BCAS1: variants seen among roughly 807,000 people sequenced by gnomAD.
The protein encoded by BCAS1 is brain enriched myelin associated protein 1.
Under a neutral mutation model 65.4 loss-of-function variants are expected in BCAS1, and 46 were observed. The ratio of observed to expected loss-of-function variants is 0.70; its 90% confidence interval spans 0.55 to 0.90. BCAS1 has a LOEUF of 0.90. Ranked by LOEUF, BCAS1 falls within the 40% of genes least tolerant of loss-of-function variation. BCAS1 has a pLI of 0.00. For missense variants in BCAS1, 793 were observed against 771.2 expected, an observed-to-expected ratio of 1.03 and a Z score of -0.33; for synonymous variants, 298 against 293.5, an observed-to-expected ratio of 1.02 and a Z score of -0.16.
intron 11 of BCAS1, among the ~76,000 whole-genome samples, 164 bp from the exon 12 acceptor site, chr20:53,953,859 T>G (rs942395180): frequency 6.6e-6 from 1 of 152,204 alleles, no homozygotes; most frequent in Admixed American, 6.5e-5. Flanking sequence ...TGTGCACTTA[T>G]GAAGTCATGG....
At chr20:54,017,498 C>T (rs767347239) in intron 4 of BCAS1, among the ~76,000 whole-genome samples, 4 of 151,338 alleles carry the variant, frequency 2.6e-5, no homozygotes, top group Admixed American at 6.6e-5. Context: ...CAGGTTCAAG[C>T]GATTCTCATG....
At chr20:54,055,015 T>C (rs290425) in intron 3 of BCAS1, among the ~76,000 whole-genome samples, 2,885 of 152,038 alleles carry the variant, frequency 0.019, 68 homozygotes, top group East Asian at 0.1. Context: ...AACATAAATA[T>C]ATTACAGGTG....
At chr20:53,957,547 G>A in intron 10 of BCAS1, 50 bp from the exon 11 acceptor site, 3 of 1,540,916 alleles carry the variant, frequency 1.9e-6, no homozygotes, top group Non-Finnish European at 2.7e-6. Flanking sequence ...CAGTGACGTG[G>A]AGAATGCAAG....
intron 10 of BCAS1, among the ~76,000 whole-genome samples, chr20:53,963,859 G>A (rs768076061): frequency 1.3e-4 from 20 of 152,208 alleles, no homozygotes; most frequent in Admixed American, 1.1e-3. Context: ...ACCCAATGGG[G>A]ACATTAACAC....
intron 1 of BCAS1, among the ~76,000 whole-genome samples, chr20:54,059,181 G>C (rs975184420): frequency 7.9e-5 from 12 of 152,168 alleles, no homozygotes; most frequent in Non-Finnish European, 1.5e-4. Flanking sequence ...TTCAAGGTAA[G>C]ATTTTACGTA....
chr20:54,029,138 C>A (rs1402115568), intron 3 of BCAS1, 166 bp from the exon 4 acceptor site: 1 of 985,242 alleles, frequency 1.0e-6, no homozygotes, highest in East Asian at 1.1e-4. Flanking sequence ...TCTCCTTGGA[C>A]CCTGCTTTTC....
In BCAS1 at chr20:54,057,305, C is replaced by T. The variant is rs540267171; in HGVS notation, c.142+780G>A. Among the ~76,000 whole-genome samples, 20 of 152,282 alleles carry T rather than the reference C, an allele frequency of 1.3e-4. No homozygotes were observed. In the East Asian group the frequency reaches 2.7e-3, roughly 21 times the overall value. ...TGGGGAAAAGGAATATATGAAATAT[C>T]GCTGGAGACTATGTTAAATGTTTAA... On this transcript the variant is annotated intron_variant, in intron 3 of 12. Coordinates refer to ENST00000688948, the MANE Select transcript of BCAS1 (RefSeq NM_001366298.2).
rs545972557 is a variant in BCAS1, at chr20:54,008,912, C to T, written c.724-12862G>A. Among the ~76,000 whole-genome samples, 4 of 152,012 alleles carry T rather than the reference C, an allele frequency of 2.6e-5. No homozygotes were observed. In the South Asian group the frequency reaches 8.3e-4, roughly 32 times the overall value. On this transcript the variant is annotated intron_variant, in intron 4 of 12. Coordinates refer to ENST00000688948, the MANE Select transcript of BCAS1 (RefSeq NM_001366298.2). ...CACTGCAGCCTCTGCCTACCGGGTT[C>T]AAGCAATTCTCCTGCCTCAGCCTCC...
chr20:54,039,759 C>A (rs967088762), intron 3 of BCAS1, among the ~76,000 whole-genome samples: 1 of 151,068 alleles, frequency 6.6e-6, no homozygotes, highest in Admixed American at 6.6e-5. Context: ...TCTCTCTGAA[C>A]CCTTTGTTTT....
intron 12 of BCAS1, among the ~76,000 whole-genome samples, chr20:53,947,124 C>A (rs1024542254): frequency 6.6e-6 from 1 of 152,130 alleles, no homozygotes; most frequent in African/African-American, 2.4e-5. Context: ...GAACGCCAGA[C>A]CTGCCACTTC....
chr20:53,970,131 T>C (rs1178421384), intron 9 of BCAS1, among the ~76,000 whole-genome samples: 1 of 152,192 alleles, frequency 6.6e-6, no homozygotes, highest in African/African-American at 2.4e-5. Flanking sequence ...TACTCATAAA[T>C]AAAATGATCA....
intron 4 of BCAS1, among the ~76,000 whole-genome samples, chr20:54,002,494 T>C (rs866549743): frequency 2.1e-4 from 32 of 152,250 alleles, no homozygotes; most frequent in African/African-American, 6.8e-4. Flanking sequence ...GTTGACTTCC[T>C]GTAGCTGGCT....
intron 3 of BCAS1, among the ~76,000 whole-genome samples, chr20:54,045,739 C>T (rs2146241568): frequency 6.6e-6 from 1 of 152,356 alleles, no homozygotes; most frequent in African/African-American, 2.4e-5. Context: ...TGTAACACAT[C>T]AAACACATTT....
chr20:53,947,915 G>A (rs1336396342), intron 12 of BCAS1, among the ~76,000 whole-genome samples: 1 of 152,160 alleles, frequency 6.6e-6, no homozygotes, highest in Non-Finnish European at 1.5e-5. Flanking sequence ...ATTGCTCTAA[G>A]GGCATTGTAC....
intron 7 of BCAS1, among the ~76,000 whole-genome samples, chr20:53,986,993 A>T (rs1319486168): frequency 1.3e-5 from 2 of 152,210 alleles, no homozygotes; most frequent in African/African-American, 4.8e-5. Flanking sequence ...ATTTTCATGG[A>T]TGGGGAAACT....
In BCAS1 at chr20:53,953,576, C is replaced by A. The variant is rs748929675; in HGVS notation, c.1671G>T (p.Gln557His). Residue 557 changes from glutamine to histidine, a missense_variant, in exon 12 of 13, where the codon CAG (glutamine) becomes CAT (histidine). Transcript: ENST00000688948. ...CTTTGGCTTCCTGCTTGTTGCTCTT[C>A]TGCTTGTTCATCTCGGCTGCTGACT... Reference protein sequence around the residue: ...DKKSAAEMNKQKSNKQEAKEP... With the variant: ...DKKSAAEMNKHKSNKQEAKEP... 1 of 1,613,870 alleles carries A rather than the reference C, an allele frequency of 6.2e-7. No individual in the cohort carries two copies. The highest frequency in any genetic ancestry group is 1.7e-5 in the Admixed American group (1 of 59,980).
intron 7 of BCAS1, among the ~76,000 whole-genome samples, chr20:53,990,713 G>T (rs1271846846): frequency 6.6e-6 from 1 of 152,084 alleles, no homozygotes; most frequent in East Asian, 1.9e-4. Context: ...AAGAGAAAAA[G>T]AAATGAACTA....
Position 54,029,171 on chromosome 20 carries a change from T to C in BCAS1, c.143-199A>G, listed in dbSNP as rs564273299. On this transcript the variant is annotated intron_variant, in intron 3 of 12. Transcript: ENST00000688948. Reference sequence around the variant, plus strand: ...TTCTTGGGAGAGGAGAAGGCAAGGTTGGTGAGGAGGGAAAGCTACTTAATG... The same window carrying C: ...TTCTTGGGAGAGGAGAAGGCAAGGTCGGTGAGGAGGGAAAGCTACTTAATG... 6 of 985,386 alleles carry C rather than the reference T, an allele frequency of 6.1e-6. No individual in the cohort carries two copies. In the African/African-American group the frequency reaches 1.0e-4, roughly 17 times the overall value. 61.0% of individuals were successfully genotyped at this position (985,386 alleles called of 1,614,324 possible).
Position 53,957,472 on chromosome 20 carries a change from G to T in BCAS1, c.1511C>A (p.Thr504Asn), listed in dbSNP as rs143581072. Residue 504 changes from threonine (T) to asparagine (N), a missense_variant, in exon 11 of 13, where the codon ACC (threonine) becomes AAC (asparagine). Thr to Asn is a moderately conservative substitution (Grantham distance 65). Coordinates refer to ENST00000688948, the MANE Select transcript of BCAS1 (RefSeq NM_001366298.2). ...QMSVKGDGGI[T>N]HSEEINGKDS... ...TTTCCCATTTATTTCTTCTGAGTGG[G>T]TGATCCCTCCATCCCCTTTCACTGA... is the stretch of plus-strand genomic sequence containing the variant. 2.5e-5 allele frequency: 40 copies of T among 1,614,088 alleles called. No homozygotes were observed. The Middle Eastern group carries it at 9.9e-4, about 40-fold the overall frequency.
Sources: gnomAD v4.1 joint callset for allele counts (sites outside exome capture counted in the v4.1 genomes callset) on GRCh38, gnomAD v4.1.1 for gene constraint, MANE v1.5 for transcripts, NCBI Gene and HGNC (gene_info 2026-07-23, HGNC 2026-07-21) for gene names.